Variants in PROM1 observed in about 807,000 individuals in gnomAD.
The protein encoded by PROM1 is prominin 1.
PROM1 carries 105 observed loss-of-function variants against 116.9 expected under a neutral mutation model. That is an observed-to-expected ratio of 0.90 (90% CI 0.77 to 1.06). The LOEUF is 1.06. Among genes scored for constraint, PROM1 ranks in the 50% least tolerant of loss-of-function variants. The probability of loss-of-function intolerance (pLI) is 0.00; values close to 1 mark genes in which losing one functional copy is unlikely to be tolerated. For synonymous variants in PROM1, 393 were observed against 387.0 expected (o/e 1.02, Z -0.18); for missense variants, 1,122 against 1,045.2 (o/e 1.07, Z -1.01).
chr4:15,996,973 C>T (rs1019175602), intron 15 of PROM1, among the ~76,000 whole-genome samples: 1 of 152,052 alleles, frequency 6.6e-6, no homozygotes, highest in Non-Finnish European at 1.5e-5. Context: ...CACACACATC[C>T]TCCGGCCCTT....
In PROM1 at chr4:16,023,516, A is replaced by G. The variant is rs147658938; in HGVS notation, c.695-101T>C. On this transcript the variant is annotated intron_variant, in intron 7 of 27. Coordinates refer to ENST00000447510, the MANE Select transcript of PROM1 (RefSeq NM_006017.3). ...CTGCCTCAAGCCCCTCCTGCTGCAA[A>G]ACCCATTTGCATCCTGGACCCTGTC... 72 of 914,964 alleles carry G rather than the reference A, an allele frequency of 7.9e-5. 1 individual carries two copies. The East Asian group carries it at 1.9e-3, about 24-fold the overall frequency. 56.7% of individuals were successfully genotyped at this position (914,964 alleles called of 1,614,324 possible).
At position 16,006,494 on chromosome 4, in the gene PROM1, C is replaced by T. The variant is rs1248751774; in HGVS notation, c.1454+44G>A. 2.0e-6 allele frequency: 3 copies of T among 1,535,764 alleles called. No individual in the cohort carries two copies. In the Admixed American group the frequency reaches 5.9e-5, roughly 30 times the overall value. On this transcript the variant is annotated intron_variant, in intron 13 of 27. Coordinates refer to ENST00000447510, the MANE Select transcript of PROM1 (RefSeq NM_006017.3). ...ACCAGAGTCAGCACCCAGTCTCTCT[C>T]CTGCATTCCCACTCCCACATGACAG... is the stretch of plus-strand genomic sequence containing the variant.
intron 1 of PROM1, among the ~76,000 whole-genome samples, chr4:16,082,844 C>T (rs998232095): frequency 1.3e-5 from 2 of 152,090 alleles, no homozygotes; most frequent in African/African-American, 4.8e-5. Flanking sequence ...GGAAACTGAT[C>T]CCGAGCCTCT....
intron 18 of PROM1, among the ~76,000 whole-genome samples, 191 bp downstream of exon 18, chr4:15,991,031 C>T (rs2058145): frequency 0.11 from 17,308 of 152,268 alleles, 1,021 homozygotes; most frequent in Middle Eastern, 0.15. Flanking sequence ...TGGCAACATT[C>T]AAGGCTCAGA....
chr4:16,041,139 G>C (rs1038320682), intron 2 of PROM1, among the ~76,000 whole-genome samples: 5 of 152,148 alleles, frequency 3.3e-5, no homozygotes, highest in African/African-American at 7.2e-5. Flanking sequence ...TTGTTGTGTT[G>C]ACATTTGCAC....
At chr4:16,033,742 G>A (rs989850917) in intron 4 of PROM1, among the ~76,000 whole-genome samples, 2 of 151,764 alleles carry the variant, frequency 1.3e-5, no homozygotes, top group Non-Finnish European at 2.9e-5. Context: ...TAGAGACAGG[G>A]TTTCACCATG....
intron 2 of PROM1, among the ~76,000 whole-genome samples, chr4:16,055,885 C>G (rs1049814114): frequency 2.0e-5 from 3 of 152,050 alleles, no homozygotes; most frequent in Admixed American, 6.6e-5. Flanking sequence ...GGAAAAGAAT[C>G]CTAAACACAA....
intron 24 of PROM1, among the ~76,000 whole-genome samples, chr4:15,980,119 A>G (rs1237168385): frequency 6.6e-6 from 1 of 152,116 alleles, no homozygotes; most frequent in African/African-American, 2.4e-5. Flanking sequence ...GGAAAGTGTA[A>G]AAACAGTTAT....
intron 15 of PROM1, 104 bp downstream of exon 15, chr4:15,998,281 A>G: frequency 7.0e-7 from 1 of 1,423,664 alleles, no homozygotes; most frequent in Non-Finnish European, 9.2e-7. Flanking sequence ...TCTCTGAAAC[A>G]TGAAAGTCAT....
intron 2 of PROM1, among the ~76,000 whole-genome samples, chr4:16,045,878 T>A (rs1248929709): frequency 1.3e-5 from 2 of 152,210 alleles, no homozygotes; most frequent in Non-Finnish European, 2.9e-5. Context: ...TCATTCATGG[T>A]CTACAAAGCT....
chr4:15,972,029 T>G (rs1429443083), intron 26 of PROM1: 1 of 152,192 alleles, frequency 6.6e-6, no homozygotes, highest in Non-Finnish European at 1.5e-5. Flanking sequence ...GAGCTGAACA[T>G]TATGAAGGAC....
In PROM1 at chr4:15,994,505, G is replaced by A. The variant is rs552387608; in HGVS notation, c.1683-434C>T. On this transcript the variant is annotated intron_variant, in intron 15 of 27. Transcript: ENST00000447510. ...ATTTCTCCTCTGTATTTCCAGGGCC[G>A]AGCGGCACTGACTAAATATACGCTT... Among the ~76,000 whole-genome samples the A allele has an allele frequency of 2.3e-3, 351 of 152,202 alleles. 2 individuals are homozygous for A. Among genetic ancestry groups the A allele is most frequent in the Non-Finnish European group, 3.9e-3 (266 of 68,026 alleles).
intron 5 of PROM1, among the ~76,000 whole-genome samples, chr4:16,028,816 G>T (rs1732005000): frequency 6.6e-6 from 1 of 152,170 alleles, no homozygotes; most frequent in African/African-American, 2.4e-5. Flanking sequence ...ATGCTTTTAA[G>T]CAGTACAACA....
intron 26 of PROM1, among the ~76,000 whole-genome samples, chr4:15,978,133 G>A (rs748697143): frequency 1.3e-5 from 2 of 152,192 alleles, no homozygotes; most frequent in East Asian, 1.9e-4. Context: ...GTCCTTCACC[G>A]GACACCGAAT....
chr4:15,990,282 C>T (rs1326029070), intron 18 of PROM1, among the ~76,000 whole-genome samples: 2 of 152,170 alleles, frequency 1.3e-5, no homozygotes, highest in Non-Finnish European at 2.9e-5. Flanking sequence ...GCTCCTATAC[C>T]GAGTCAAGAC....
chr4:16,074,909 A>G lies in PROM1; in HGVS notation c.220+778T>C, dbSNP rs555110986. Among the ~76,000 whole-genome samples, 6 of 152,380 alleles carry G rather than the reference A, an allele frequency of 3.9e-5. No homozygotes were observed. In the East Asian group the frequency reaches 1.2e-3, roughly 29 times the overall value. ...AATTCTATAATCAATGATTGTAATC[A>G]AATCTTTGTAACTAAAAGAACAGGC... is the stretch of plus-strand genomic sequence containing the variant. On this transcript the variant is annotated intron_variant, in intron 2 of 27. Transcript: ENST00000447510.
At chr4:16,044,472 G>A (rs1417782929) in intron 2 of PROM1, among the ~76,000 whole-genome samples, 1 of 152,194 alleles carries the variant, frequency 6.6e-6, no homozygotes, top group Non-Finnish European at 1.5e-5. Flanking sequence ...ATAGTGTTAA[G>A]TGCCTCTCTG....
chr4:15,982,947 T>C (rs1718346883), intron 23 of PROM1, among the ~76,000 whole-genome samples: 1 of 151,904 alleles, frequency 6.6e-6, no homozygotes, highest in African/African-American at 2.4e-5. Flanking sequence ...GACAGGGCAA[T>C]AGGGATGAAC....
intron 2 of PROM1, among the ~76,000 whole-genome samples, chr4:16,072,001 C>A (rs556463393): frequency 3.2e-4 from 49 of 152,122 alleles, no homozygotes; most frequent in Non-Finnish European, 5.9e-4. Flanking sequence ...AGCCTAAGCC[C>A]CCTGTGTAGA....
Sources: allele counts gnomAD v4.1 joint callset (sites outside exome capture counted in the v4.1 genomes callset), GRCh38; gene constraint gnomAD v4.1.1; transcripts MANE v1.5; gene names NCBI Gene and HGNC (gene_info 2026-07-23, HGNC 2026-07-21).